The following HDAC9 variants were observed in gnomAD, a reference collection of about 807,000 sequenced individuals.
HDAC9 encodes histone deacetylase 9, also known as MEF-2 interacting transcription repressor (MITR) protein.
In HDAC9, 41 loss-of-function variants were observed where a neutral mutation model predicts 139.4. That is an observed-to-expected ratio of 0.29 (90% confidence interval 0.23 to 0.38). HDAC9 has a LOEUF of 0.38. Ranked by LOEUF, HDAC9 falls within the 10% of genes least tolerant of loss-of-function variation. The pLI, the probability that HDAC9 is intolerant of heterozygous loss-of-function variation, is 1.00. For synonymous variants in HDAC9, 517 were observed against 476.2 expected (o/e 1.09, Z -1.12); for missense variants, 1,147 against 1,297.0 (o/e 0.88, Z 1.78).
chr7:18,991,404 G>A (rs1785935493), intron 25 of HDAC9, among the ~76,000 whole-genome samples: 1 of 152,174 alleles, frequency 6.6e-6, no homozygotes, highest in Non-Finnish European at 1.5e-5. Flanking sequence ...GCTTTGGGAG[G>A]CCGAGGCGGG....
Position 19,000,244 on chromosome 7 carries a change from T to A in HDAC9, c.*4182T>A, listed in dbSNP as rs1786686144. 6.6e-6 allele frequency: 1 copy of A among 152,236 alleles called. No individual in the cohort carries two copies. The highest frequency in any genetic ancestry group is 1.5e-5 in the Non-Finnish European group (1 of 68,038). 9.4% of individuals were successfully genotyped at this position (152,236 alleles called of 1,614,324 possible). On this transcript the variant is annotated 3_prime_UTR_variant, in exon 26 of 26. Coordinates refer to ENST00000686413, the MANE Select transcript of HDAC9 (RefSeq NM_178425.4). ...GTCTCCAGCAGGATTTTGTACCATGTGCTGCCTTTGGAATAAAGTATTATA... is the reference window on the plus strand; with the variant it reads ...GTCTCCAGCAGGATTTTGTACCATGAGCTGCCTTTGGAATAAAGTATTATA...
At chr7:18,357,491 A>G (rs1783411328) in intron 1 of HDAC9, among the ~76,000 whole-genome samples, 1 of 152,166 alleles carries the variant, frequency 6.6e-6, no homozygotes, top group African/African-American at 2.4e-5. Context: ...GGGAGAGAAC[A>G]CAAACACAAT....
chr7:18,482,417 A>AAAAAAT (rs1795637817), intron 1 of HDAC9, among the ~76,000 whole-genome samples: 1 of 139,594 alleles, frequency 7.2e-6, no homozygotes, highest in African/African-American at 2.7e-5. Context: ...AAAAAAAAAA[A>AAAAAAT]TTCTCCTTGG....
chr7:18,380,695 G>A (rs367897935), intron 1 of HDAC9, among the ~76,000 whole-genome samples: 5 of 152,130 alleles, frequency 3.3e-5, no homozygotes, highest in Non-Finnish European at 7.4e-5. Flanking sequence ...ATTGGTGTCC[G>A]TCACCAAACA....
At chr7:18,684,489 CAAACAAT>C (rs1248879347) in intron 12 of HDAC9, among the ~76,000 whole-genome samples, 1 of 151,324 alleles carries the variant, frequency 6.6e-6, no homozygotes, top group Admixed American at 6.6e-5. Context: ...AACAAACAAA[CAAACAAT>C]AAAACTATAC....
At chr7:18,267,994 T>C (rs1796106974) in intron 2 of HDAC9, among the ~76,000 whole-genome samples, 2 of 152,146 alleles carry the variant, frequency 1.3e-5, no homozygotes, top group South Asian at 4.1e-4. Flanking sequence ...TACATAGTAC[T>C]TGATAGAATG....
At chr7:18,728,270 C>T (rs1785720242) in intron 13 of HDAC9, among the ~76,000 whole-genome samples, 1 of 152,098 alleles carries the variant, frequency 6.6e-6, no homozygotes. Context: ...CATTTCTATT[C>T]ATTATGGAAT....
At chr7:18,453,522 G>A (rs768264927) in intron 1 of HDAC9, among the ~76,000 whole-genome samples, 55 of 152,150 alleles carry the variant, frequency 3.6e-4, no homozygotes, top group Non-Finnish European at 6.0e-4. Context: ...AGGTTTGTCG[G>A]AAAAGAATTA....
At chr7:18,180,509 G>A (rs1402300689) in intron 2 of HDAC9, among the ~76,000 whole-genome samples, 2 of 151,988 alleles carry the variant, frequency 1.3e-5, no homozygotes, top group Non-Finnish European at 2.9e-5. Flanking sequence ...ATGAGAGGTT[G>A]TATTTGGTAC....
chr7:18,902,468 A>G (rs1343917161), intron 22 of HDAC9, among the ~76,000 whole-genome samples: 3 of 152,212 alleles, frequency 2.0e-5, no homozygotes, highest in African/African-American at 7.2e-5. Context: ...AAACCAAACT[A>G]TGAAAGAAAA....
chr7:18,684,651 G>A (rs1170020278), intron 12 of HDAC9, among the ~76,000 whole-genome samples: 1 of 151,942 alleles, frequency 6.6e-6, no homozygotes, highest in African/African-American at 2.4e-5. Context: ...TTAAACGTAA[G>A]ATCAAGGTCC....
intron 1 of HDAC9, among the ~76,000 whole-genome samples, chr7:18,394,871 A>G (rs117358872): frequency 1.8e-3 from 273 of 152,172 alleles, no homozygotes; most frequent in South Asian, 3.1e-3. Context: ...CAACACAATT[A>G]CCTATGTATT....
chr7:18,741,843 A>G (rs1289646360), intron 13 of HDAC9, among the ~76,000 whole-genome samples: 1 of 152,198 alleles, frequency 6.6e-6, no homozygotes, highest in Non-Finnish European at 1.5e-5. Context: ...TCCAGTTCTC[A>G]TGGATGACTT....
chr7:18,932,009 G>T (rs934670413), intron 22 of HDAC9, among the ~76,000 whole-genome samples: 1 of 152,046 alleles, frequency 6.6e-6, no homozygotes, highest in African/African-American at 2.4e-5. Context: ...ATAATGCATC[G>T]GTACTGGCTT....
intron 2 of HDAC9, among the ~76,000 whole-genome samples, chr7:18,520,308 G>T (rs1315463758): frequency 6.6e-6 from 1 of 151,928 alleles, no homozygotes; most frequent in Non-Finnish European, 1.5e-5. Flanking sequence ...TTATTATACT[G>T]TCCTATTCTC....
intron 2 of HDAC9, among the ~76,000 whole-genome samples, chr7:18,560,275 T>C (rs1159873574): frequency 2.0e-5 from 3 of 152,182 alleles, no homozygotes; most frequent in Admixed American, 6.5e-5. Context: ...GAGTTAGAAA[T>C]AATACTAAAG....
At chr7:18,428,899 C>G (rs963803098) in intron 1 of HDAC9, among the ~76,000 whole-genome samples, 2 of 152,190 alleles carry the variant, frequency 1.3e-5, no homozygotes, top group Non-Finnish European at 2.9e-5. Flanking sequence ...GGTGCCTTTG[C>G]ATTTGCTGAT....
intron 1 of HDAC9, among the ~76,000 whole-genome samples, chr7:18,392,247 A>G (rs1431564587): frequency 6.6e-6 from 1 of 151,134 alleles, no homozygotes; most frequent in Non-Finnish European, 1.5e-5. Context: ...ATGATTATAC[A>G]TTCTCTTTCT....
At chr7:18,280,323 C>G (rs1223889658) in intron 2 of HDAC9, among the ~76,000 whole-genome samples, 2 of 152,036 alleles carry the variant, frequency 1.3e-5, no homozygotes, top group African/African-American at 4.8e-5. Flanking sequence ...GGTGCAGTAG[C>G]TCATGCCTGT....
Sources: allele counts gnomAD v4.1 joint callset (sites outside exome capture counted in the v4.1 genomes callset), GRCh38; gene constraint gnomAD v4.1.1; transcripts MANE v1.5; gene names NCBI Gene and HGNC (gene_info 2026-07-23, HGNC 2026-07-21).